Variants in MSANTD2 observed in about 807,000 individuals in gnomAD.
MSANTD2 encodes the protein myb/SANT-like DNA-binding domain-containing protein 2.
A neutral mutation model predicts 52.6 loss-of-function variants in MSANTD2; 19 were observed. That is an observed-to-expected ratio of 0.36 (90% confidence interval 0.25 to 0.53). The LOEUF (loss-of-function observed/expected upper bound fraction) is 0.53, where lower values mean the gene tolerates loss of function less well. MSANTD2 is among the 20% of genes least tolerant of loss of function. The pLI is 0.91. For synonymous variants in MSANTD2, 291 were observed against 289.7 expected (o/e 1.00, Z -0.04); for missense variants, 558 against 716.3 (o/e 0.78, Z 2.52).
intron 1 of MSANTD2, among the ~76,000 whole-genome samples, chr11:124,796,257 G>A (rs1215598325): frequency 2.6e-5 from 4 of 152,182 alleles, no homozygotes; most frequent in Non-Finnish European, 4.4e-5. Flanking sequence ...GGTGATTCAG[G>A]AAGGTGGTCA....
chr11:124,800,216 C>A lies in MSANTD2; in HGVS notation c.165G>T (p.Ala55=). The A allele has an allele frequency of 6.7e-7, 1 of 1,495,874 alleles. No homozygotes were observed. The allele number at this position is 1,495,874 out of a possible 1,614,324, so 92.7% of individuals were successfully genotyped here. The part of the protein sequence containing the change: ...RGASPLGPGS[A]AGSGAAASGG... ...CGGACGCCGCTGCCCCCGAGCCCGC[C>A]GCACTGCCCGGCCCGAGCGGGGAGG... The change falls in exon 1 of 4, where the codon GCG becomes GCT. Residue 55 remains alanine (A), a synonymous_variant. Transcript: ENST00000374979. The surrounding 1 kb of genome is among the most constrained non-coding windows in gnomAD (Gnocchi z 4.3).
chr11:124,794,155 G>A (rs1236087812), intron 1 of MSANTD2, among the ~76,000 whole-genome samples: 1 of 152,120 alleles, frequency 6.6e-6, no homozygotes, highest in Non-Finnish European at 1.5e-5. Context: ...AAATTTTATG[G>A]AACAGTACTA....
chr11:124,772,996 T>G lies in MSANTD2; in HGVS notation c.825A>C (p.Ala275=). The G allele has an allele frequency of 6.4e-7, 1 of 1,574,770 alleles. No individual in the cohort carries two copies. Among genetic ancestry groups the G allele is most frequent in the South Asian group, 1.1e-5 (1 of 90,054 alleles). The change falls in exon 3 of 4, where the codon GCA becomes GCC. Residue 275 remains alanine (A), a splice_region_variant and synonymous_variant. Coordinates refer to ENST00000374979, the MANE Select transcript of MSANTD2 (RefSeq NM_001308027.2). ...LKIKQESSEE[A]QKRDIMQNIV... is the part of the protein sequence containing the mutation. ...GGAAAGGTGAAGCATCTACTTACTG[T>G]GCTTCTTCAGAAGACTCTTGTTTTA...
rs144983539 is a variant in MSANTD2, at chr11:124,773,143, C to T, written c.767-89G>A. 3.1e-4 allele frequency: 228 copies of T among 727,018 alleles called. 1 individual carries two copies. In the East Asian group the frequency reaches 6.0e-3, roughly 19 times the overall value. The allele number at this position is 727,018 out of a possible 1,614,324, so 45.0% of individuals were successfully genotyped here. ...TAAGTAGCTATGTTTACTGATCATT[C>T]CATACTTTCCAAAACCAGGCTTTTA... On this transcript the variant is annotated intron_variant, in intron 2 of 3. Transcript: ENST00000374979.
intron 1 of MSANTD2, among the ~76,000 whole-genome samples, chr11:124,787,775 C>T (rs1945206590): frequency 6.6e-6 from 1 of 152,160 alleles, no homozygotes; most frequent in South Asian, 2.1e-4. Context: ...GCCATAGCTT[C>T]TTTGACTTTT....
chr11:124,778,617 A>T (rs893170075), intron 1 of MSANTD2, among the ~76,000 whole-genome samples: 1 of 152,168 alleles, frequency 6.6e-6, no homozygotes. Flanking sequence ...ATGGTATTTG[A>T]TTTGGAAGCA....
chr11:124,787,466 C>T (rs1945196851), intron 1 of MSANTD2, among the ~76,000 whole-genome samples: 1 of 152,154 alleles, frequency 6.6e-6, no homozygotes, highest in African/African-American at 2.4e-5. Flanking sequence ...CTGCAACCTC[C>T]ACCTCCTGGG....
At chr11:124,777,972 C>A (rs1308254333) in intron 1 of MSANTD2, among the ~76,000 whole-genome samples, 1 of 152,246 alleles carries the variant, frequency 6.6e-6, no homozygotes, top group Admixed American at 6.5e-5. Flanking sequence ...TTGAGTTAAA[C>A]TTGAGGGAGT....
intron 1 of MSANTD2, among the ~76,000 whole-genome samples, chr11:124,795,115 G>A (rs1222917440): frequency 2.6e-5 from 4 of 152,156 alleles, no homozygotes; most frequent in African/African-American, 7.2e-5. Context: ...CTGAGCTCAC[G>A]TGATATGCCC....
chr11:124,799,828 T>G, intron 1 of MSANTD2, 43 bp downstream of exon 1: 2 of 1,480,058 alleles, frequency 1.4e-6, no homozygotes, highest in Non-Finnish European at 1.8e-6. Context: ...CCCCGCCTTC[T>G]CTCTGCCTCT....
chr11:124,784,633 T>C (rs1945101110), intron 1 of MSANTD2: 3 of 984,936 alleles, frequency 3.0e-6, no homozygotes, highest in Non-Finnish European at 3.6e-6. Flanking sequence ...TAGGCCACTT[T>C]ATTCCTTTCG....
chr11:124,798,381 A>G (rs560941308), intron 1 of MSANTD2, among the ~76,000 whole-genome samples: 1 of 152,246 alleles, frequency 6.6e-6, no homozygotes, highest in Non-Finnish European at 1.5e-5. Flanking sequence ...ATATAAATAA[A>G]TAAAAATTAA....
intron 3 of MSANTD2, among the ~76,000 whole-genome samples, chr11:124,768,966 C>T (rs1014113304): frequency 6.6e-5 from 10 of 152,142 alleles, no homozygotes; most frequent in African/African-American, 2.4e-4. Context: ...AAGATTGGTT[C>T]GTTAAATATT....
rs1012507607 is a variant in MSANTD2 at position 124,779,492 on chromosome 11, G to A, written c.511-4518C>T. On this transcript the variant is annotated intron_variant, in intron 1 of 3. Coordinates refer to ENST00000374979, the MANE Select transcript of MSANTD2 (RefSeq NM_001308027.2). The surrounding 1 kb of genome is among the most constrained non-coding windows in gnomAD (Gnocchi z 4.6). ...TCACCAGGACAAAAACACTGTTCTA[G>A]CTAACTGACCATACATGGAATGGAG... Among the ~76,000 whole-genome samples, 4 of 152,292 alleles carry A rather than the reference G, an allele frequency of 2.6e-5. No individual in the cohort carries two copies. The highest frequency in any genetic ancestry group is 6.5e-5 in the Admixed American group (1 of 15,302).
At chr11:124,782,893 G>A (rs7103156) in intron 1 of MSANTD2, among the ~76,000 whole-genome samples, 2,949 of 152,204 alleles carry the variant, frequency 0.019, 95 homozygotes, top group African/African-American at 0.067. Context: ...GATGGGCGGG[G>A]CTCCTGAAAC....
intron 1 of MSANTD2, chr11:124,778,929 G>C (rs1279517160): frequency 6.6e-6 from 1 of 152,102 alleles, no homozygotes. Flanking sequence ...GGGGTTTAAC[G>C]GCAGCAATGT....
At chr11:124,768,103 G>A in intron 3 of MSANTD2, 75 bp from the exon 4 acceptor site, 1 of 1,416,714 alleles carries the variant, frequency 7.1e-7, no homozygotes, top group Admixed American at 2.1e-5. Context: ...CTGTGATGAT[G>A]GAAATGTTCT....
At chr11:124,775,268 A>C in intron 1 of MSANTD2, 1 of 222,256 alleles carries the variant, frequency 4.5e-6, no homozygotes, top group Non-Finnish European at 9.0e-6. Flanking sequence ...CCCCACCCCC[A>C]TTTAAAAAGA....
chr11:124,786,416 T>G (rs1945164215), intron 1 of MSANTD2, among the ~76,000 whole-genome samples: 1 of 152,240 alleles, frequency 6.6e-6, no homozygotes, highest in Non-Finnish European at 1.5e-5. Flanking sequence ...CATTTACACA[T>G]TAGGTAAACA....
Sources: gnomAD v4.1 joint callset for allele counts (sites outside exome capture counted in the v4.1 genomes callset) on GRCh38, gnomAD v4.1.1 for gene constraint, Gnocchi (gnomAD v3.1) non-coding constraint, MANE v1.5 for transcripts, NCBI Gene and HGNC (gene_info 2026-07-23, HGNC 2026-07-21) for gene names.